Variants in RIMBP2 observed in about 807,000 individuals in gnomAD.
RIMBP2 encodes RIMS-binding protein 2.
RIMBP2 carries 48 observed loss-of-function variants against 118.6 expected under a neutral mutation model. That is an observed-to-expected ratio of 0.40 (90% CI 0.32 to 0.51). RIMBP2 has a LOEUF of 0.51. RIMBP2 is among the 20% of genes least tolerant of loss of function. The pLI, the probability that RIMBP2 is intolerant of heterozygous loss-of-function variation, is 0.41. For synonymous variants in RIMBP2, 762 were observed against 742.9 expected (o/e 1.03, Z -0.42); for missense variants, 1,551 against 1,768.3 (o/e 0.88, Z 2.20).
chr12:130,573,972 C>T lies in RIMBP2; in HGVS notation c.-217+54350G>A, dbSNP rs923569342. Reference sequence around the variant, plus strand: ...GAAGGGAAAGAGTTGCCAATTCTGACGGGAAGGAAAATGGCAAGCAGAGAA... The same window carrying T: ...GAAGGGAAAGAGTTGCCAATTCTGATGGGAAGGAAAATGGCAAGCAGAGAA... On this transcript the variant is annotated intron_variant, in intron 2 of 22. Coordinates refer to ENST00000690449, the MANE Select transcript of RIMBP2 (RefSeq NM_001393629.1). 8.6e-5 allele frequency among the ~76,000 whole-genome samples: 13 copies of T among 151,616 alleles called. No homozygotes were observed. In the East Asian group the frequency reaches 1.6e-3, roughly 18 times the overall value.
At chr12:130,624,120 G>T (rs895143898) in intron 2 of RIMBP2, among the ~76,000 whole-genome samples, 3 of 152,200 alleles carry the variant, frequency 2.0e-5, no homozygotes, top group Non-Finnish European at 4.4e-5. Flanking sequence ...ACAAGGCTGA[G>T]GTTGGGTGCC....
chr12:130,485,751 G>A lies in RIMBP2; in HGVS notation c.-3-6735C>T, dbSNP rs115683923. Among the ~76,000 whole-genome samples, 1,233 of 152,286 alleles carry A rather than the reference G, an allele frequency of 8.1e-3. 18 individuals carry two copies. Among genetic ancestry groups the A allele is most frequent in the African/African-American group, 0.027 (1,134 of 41,550 alleles). On this transcript the variant is annotated intron_variant, in intron 4 of 22. Transcript: ENST00000690449. ...GAAACAGCTCCGGGCGTGGTCCTGC[G>A]GCCTCAGAGTCACTGAGGATAAAGG...
rs1471067621 is a variant in RIMBP2, at chr12:130,525,631, T to C, written c.-216-7714A>G. ...TCATGGGGGCATTGGCAGGTGCAGATGGACACATGGGGAAGGCATGAGGGC... is the reference window on the plus strand; with the variant it reads ...TCATGGGGGCATTGGCAGGTGCAGACGGACACATGGGGAAGGCATGAGGGC... On this transcript the variant is annotated intron_variant, in intron 2 of 22. Transcript: ENST00000690449. The surrounding 1 kb of genome is among the most constrained non-coding windows in gnomAD (Gnocchi z 4.4). Among the ~76,000 whole-genome samples the C allele has an allele frequency of 6.6e-6, 1 of 151,952 alleles. No homozygotes were observed. Among genetic ancestry groups the C allele is most frequent in the Non-Finnish European group, 1.5e-5 (1 of 67,972 alleles).
rs985656210 is a variant in RIMBP2, at chr12:130,420,855, C to T, written c.3238+1598G>A. On this transcript the variant is annotated intron_variant, in intron 17 of 22. Coordinates refer to ENST00000690449, the MANE Select transcript of RIMBP2 (RefSeq NM_001393629.1). The surrounding 1 kb of genome is among the most constrained non-coding windows in gnomAD (Gnocchi z 4.3). Reference sequence around the variant, plus strand: ...TTGTCACAGCACAATTTTCAGTTCTCAGTCCTAGGAGACTGGAGTAGAAGA... The same window carrying T: ...TTGTCACAGCACAATTTTCAGTTCTTAGTCCTAGGAGACTGGAGTAGAAGA... 1 of 152,152 alleles carries T rather than the reference C, an allele frequency of 6.6e-6. No homozygotes were observed. The highest frequency in any genetic ancestry group is 2.4e-5 in the African/African-American group (1 of 41,426). The allele number at this position is 152,152 out of a possible 1,614,324, so 9.4% of individuals were successfully genotyped here. A position where few individuals can be genotyped will look rare whatever the true frequency, so the allele number is the denominator to read the frequency against.
chr12:130,703,536 G>A lies in RIMBP2; in HGVS notation c.-352+12686C>T, dbSNP rs1773141614. ...TGCGACCACCCGGTGCTCAGCTCAG[G>A]GCTGAGCCGCAGTCTGAGGGCCGGG... On this transcript the variant is annotated intron_variant, in intron 1 of 22. Coordinates refer to ENST00000690449, the MANE Select transcript of RIMBP2 (RefSeq NM_001393629.1). This position sits in a 1 kb window ranked among gnomAD's most constrained non-coding sequence, Gnocchi z 5.7. Among the ~76,000 whole-genome samples the A allele has an allele frequency of 1.3e-5, 2 of 152,122 alleles. No homozygotes were observed. The highest frequency in any genetic ancestry group is 6.5e-5 in the Admixed American group (1 of 15,288).
chr12:130,459,911 C>A (rs2079825879), intron 6 of RIMBP2, among the ~76,000 whole-genome samples: 1 of 152,234 alleles, frequency 6.6e-6, no homozygotes, highest in Non-Finnish European at 1.5e-5. Flanking sequence ...CCAAGGTCAG[C>A]CCCTTGCCCT....
At chr12:130,686,078 T>C (rs1161082532) in intron 1 of RIMBP2, among the ~76,000 whole-genome samples, 1 of 152,130 alleles carries the variant, frequency 6.6e-6, no homozygotes, top group Non-Finnish European at 1.5e-5. Context: ...GCCCGGCACC[T>C]GCTCTTCCTA....
chr12:130,579,573 A>C (rs147784596), intron 2 of RIMBP2, among the ~76,000 whole-genome samples: 29 of 152,202 alleles, frequency 1.9e-4, no homozygotes, highest in African/African-American at 6.7e-4. Context: ...AAACCCTCAT[A>C]GCTGTGAGTA....
chr12:130,458,034 G>A (rs1284965660), intron 6 of RIMBP2, among the ~76,000 whole-genome samples: 2 of 151,564 alleles, frequency 1.3e-5, no homozygotes, highest in African/African-American at 4.9e-5. Context: ...GCTGCGTCCC[G>A]GACCTGAGCA....
intron 1 of RIMBP2, among the ~76,000 whole-genome samples, chr12:130,714,897 G>A (rs978594754): frequency 3.9e-5 from 6 of 152,210 alleles, no homozygotes; most frequent in African/African-American, 1.4e-4. Context: ...AGGGAGCCAG[G>A]GAGGGGCCAT....
intron 2 of RIMBP2, among the ~76,000 whole-genome samples, chr12:130,598,583 C>T (rs2059688184): frequency 1.3e-5 from 2 of 152,180 alleles, no homozygotes; most frequent in Non-Finnish European, 2.9e-5. Context: ...AAAAAATTAG[C>T]TGGGCGTGGT....
At chr12:130,643,074 G>A (rs1566418402) in intron 1 of RIMBP2, among the ~76,000 whole-genome samples, 1 of 152,236 alleles carries the variant, frequency 6.6e-6, no homozygotes, top group African/African-American at 2.4e-5. Context: ...AGCTGCCTCA[G>A]GGGTCCTGGC....
At chr12:130,428,122 C>G in intron 15 of RIMBP2, 57 bp downstream of exon 15, 1 of 1,484,442 alleles carries the variant, frequency 6.7e-7, no homozygotes, top group South Asian at 1.4e-5. Flanking sequence ...AGCAAAGGGA[C>G]GTGGATGGAG....
At chr12:130,596,548 A>G (rs1326040061) in intron 2 of RIMBP2, among the ~76,000 whole-genome samples, 1 of 152,228 alleles carries the variant, frequency 6.6e-6, no homozygotes, top group African/African-American at 2.4e-5. Context: ...AAAACCGTAG[A>G]GTGAATTCAC....
At chr12:130,416,890 G>A (rs960793445) in intron 17 of RIMBP2, among the ~76,000 whole-genome samples, 3 of 151,890 alleles carry the variant, frequency 2.0e-5, no homozygotes, top group Admixed American at 6.6e-5. Context: ...CCATTAAAAA[G>A]AGCAAAGGAC....
intron 11 of RIMBP2, among the ~76,000 whole-genome samples, chr12:130,439,588 T>C (rs1405338930): frequency 9.5e-6 from 1 of 105,560 alleles, no homozygotes; most frequent in African/African-American, 3.9e-5. Flanking sequence ...TGTGGGGGTA[T>C]GTGTGTGGGG....
intron 4 of RIMBP2, among the ~76,000 whole-genome samples, chr12:130,504,077 G>A (rs987814932): frequency 6.6e-6 from 1 of 152,132 alleles, no homozygotes; most frequent in African/African-American, 2.4e-5. Flanking sequence ...TTTCAGTATT[G>A]TTCTCCCATG....
rs746690913 is a variant in RIMBP2 at position 130,711,115 on chromosome 12, C to T, written c.-352+5107G>A. ...AAACTTAGCCGGGCGTGGTAGCCCA[C>T]GCCTGTAATCCTAGCTACTCAGGAG... On this transcript the variant is annotated intron_variant, in intron 1 of 22. Transcript: ENST00000690449. Among the ~76,000 whole-genome samples, 62 of 152,160 alleles carry T rather than the reference C, an allele frequency of 4.1e-4. 1 individual carries two copies. Among genetic ancestry groups the T allele is most frequent in the Non-Finnish European group, 7.1e-4 (48 of 68,036 alleles).
At chr12:130,594,208 G>A (rs891120141) in intron 2 of RIMBP2, among the ~76,000 whole-genome samples, 6 of 152,248 alleles carry the variant, frequency 3.9e-5, no homozygotes, top group African/African-American at 1.4e-4. Flanking sequence ...GTCATGTGAT[G>A]TCAAGACCCT....
Sources: gnomAD v4.1 joint callset for allele counts (sites outside exome capture counted in the v4.1 genomes callset) on GRCh38, gnomAD v4.1.1 for gene constraint, Gnocchi (gnomAD v3.1) non-coding constraint, MANE v1.5 for transcripts, NCBI Gene and HGNC (gene_info 2026-07-23, HGNC 2026-07-21) for gene names.